Variants in OGG1 observed in about 807,000 individuals in gnomAD.
OGG1 encodes the protein N-glycosylase/DNA lyase.
A neutral mutation model predicts 42.3 loss-of-function variants in OGG1; 35 were observed. The observed-to-expected ratio is 0.83, with a 90% CI of 0.63 to 1.10. The LOEUF is 1.10. Ranked by LOEUF, OGG1 falls within the 50% of genes least tolerant of loss-of-function variation. The pLI is 0.00. For missense variants in OGG1, 484 were observed against 446.7 expected (o/e 1.08, Z -0.75); for synonymous variants, 189 against 179.0 (o/e 1.06, Z -0.44).
At chr3:9,775,143 G>A (rs1394588976) in intron 2 of OGG1, among the ~76,000 whole-genome samples, 1 of 151,926 alleles carries the variant, frequency 6.6e-6, no homozygotes, top group African/African-American at 2.4e-5. Flanking sequence ...GGGAGGTTGA[G>A]GCAGGAGAAT....
At chr3:9,767,636 CATCCAGCACCCA>C, downstream of OGG1, 1 of 1,613,770 alleles carries the variant, frequency 6.2e-7, no homozygotes, top group Non-Finnish European at 8.5e-7. Context: ...CTCCCTCAGC[CATCCAGCACCCA>C]ATCCTGCCCT....
downstream of OGG1, chr3:9,760,619 G>A (rs772693575): frequency 2.5e-6 from 4 of 1,610,326 alleles, no homozygotes; most frequent in Non-Finnish European, 3.4e-6. Context: ...AGGAACCAGA[G>A]GCAGGGCCCA....
chr3:9,753,626 C>T (rs2077408407), intron 3 of OGG1, among the ~76,000 whole-genome samples: 1 of 151,724 alleles, frequency 6.6e-6, no homozygotes, highest in African/African-American at 2.4e-5. Flanking sequence ...TGCACTCCAG[C>T]CTGGGCGACA....
chr3:9,778,526 C>T (rs1389496111), intron 2 of OGG1, among the ~76,000 whole-genome samples: 1 of 152,194 alleles, frequency 6.6e-6, no homozygotes, highest in Non-Finnish European at 1.5e-5. Context: ...TCAAGAATAG[C>T]TGGATGCAGC....
downstream of OGG1, among the ~76,000 whole-genome samples, chr3:9,768,004 G>GTCATGCAT (rs2078202503): frequency 6.6e-6 from 1 of 152,198 alleles, no homozygotes; most frequent in African/African-American, 2.4e-5. Context: ...ATTTAACAAA[G>GTCATGCAT]TCATGCATTC....
intron 3 of OGG1, chr3:9,787,660 C>G (rs2078647491): frequency 7.2e-7 from 1 of 1,381,296 alleles, no homozygotes; most frequent in African/African-American, 1.4e-5. Context: ...GCCTTCAGGT[C>G]ACGGGTGACA....
At chr3:9,773,986 G>A (rs1285934064) in intron 2 of OGG1, among the ~76,000 whole-genome samples, 1 of 152,180 alleles carries the variant, frequency 6.6e-6, no homozygotes, top group African/African-American at 2.4e-5. Context: ...GATTATAGGC[G>A]TGAGCCAGTA....
At chr3:9,773,522 G>A (rs919623423) in intron 2 of OGG1, among the ~76,000 whole-genome samples, 2 of 151,874 alleles carry the variant, frequency 1.3e-5, no homozygotes, top group African/African-American at 2.4e-5. Flanking sequence ...CAGCCTGGGC[G>A]ACAGAGCGAG....
At chr3:9,782,039 C>T (rs1227163610) in intron 3 of OGG1, among the ~76,000 whole-genome samples, 4 of 151,882 alleles carry the variant, frequency 2.6e-5, no homozygotes, top group African/African-American at 9.7e-5. Flanking sequence ...GGTCTGACTA[C>T]ATTGCCCAGG....
chr3:9,750,329 A>G lies in OGG1; in HGVS notation c.43A>G (p.Thr15Ala). The G allele has an allele frequency of 6.2e-7, 1 of 1,613,668 alleles. No individual in the cohort carries two copies. Among genetic ancestry groups the G allele is most frequent in the Non-Finnish European group, 8.5e-7 (1 of 1,179,960 alleles). ...TCTGCCCAGGCGCATGGGGCATCGT[A>G]CTCTAGCCTCCACTCCTGCCCTGTG... Reference protein sequence around the residue: ...ALLPRRMGHRTLASTPALWAS... With the variant: ...ALLPRRMGHRALASTPALWAS... The change falls in exon 1 of 7, where the codon ACT becomes GCT. Residue 15 changes from threonine (T) to alanine (A), a missense_variant. Transcript: ENST00000344629.
chr3:9,785,277 G>A (rs200605874), intron 3 of OGG1: 37 of 1,516,396 alleles, frequency 2.4e-5, no homozygotes, highest in African/African-American at 6.8e-5. Context: ...CAACAGAAGC[G>A]GGGGCCAGAC....
At chr3:9,757,744 T>A, downstream of OGG1, 7 of 1,614,182 alleles carry the variant, frequency 4.3e-6, no homozygotes, top group Non-Finnish European at 5.9e-6. This position sits in a 1 kb window ranked among gnomAD's most constrained non-coding sequence, Gnocchi z 4.5. Context: ...GCCACTGGTG[T>A]CAGCAGCTCC....
chr3:9,765,282 G>A (rs2078101839), intron 7 of OGG1, among the ~76,000 whole-genome samples: 1 of 152,042 alleles, frequency 6.6e-6, no homozygotes, highest in African/African-American at 2.4e-5. Flanking sequence ...GGGAGAGATT[G>A]GAAGTGATTC....
chr3:9,776,444 C>A (rs2078366205), intron 2 of OGG1, among the ~76,000 whole-genome samples: 1 of 139,328 alleles, frequency 7.2e-6, no homozygotes, highest in African/African-American at 2.7e-5. Context: ...GGCTGGAGTG[C>A]AGTGGCGCGA....
At position 9,763,142 on chromosome 3, in the gene OGG1, T is replaced by C. The variant is rs769524135; in HGVS notation, c.1049-2667T>C. On this transcript the variant is annotated intron_variant, in intron 7 of 7. Coordinates refer to the OGG1 transcript ENST00000302008. ...GGGCAGAGGTTGGGCCACTCACAGC[T>C]GCATGATGAGGTAGAGGTGGCCCCC... 5.6e-6 allele frequency: 9 copies of C among 1,614,098 alleles called. No homozygotes were observed. In the South Asian group the frequency reaches 8.8e-5, roughly 16 times the overall value.
intron 2 of OGG1, among the ~76,000 whole-genome samples, chr3:9,778,329 G>A (rs1369683562): frequency 2.6e-5 from 4 of 152,242 alleles, no homozygotes; most frequent in East Asian, 1.9e-4. Context: ...CCAGCACCTA[G>A]TGGGAGGCAG....
chr3:9,754,899 G>A lies in OGG1; in HGVS notation c.747+14G>A, dbSNP rs754036132. 5.1e-6 allele frequency: 8 copies of A among 1,572,928 alleles called. No individual in the cohort carries two copies. The highest frequency in any genetic ancestry group is 6.9e-6 in the Non-Finnish European group (8 of 1,157,904). On this transcript the variant is annotated intron_variant, in intron 4 of 6. Transcript: ENST00000344629. ...GTGGGCACCAAGGTGAGGCCCCAGG[G>A]GGTAGGAGCTGCCCTCTCTACTGAC...
intron 3 of OGG1, among the ~76,000 whole-genome samples, chr3:9,786,813 G>A (rs920359006): frequency 2.0e-5 from 3 of 152,132 alleles, no homozygotes; most frequent in African/African-American, 7.2e-5. Context: ...TATGATCTGT[G>A]CACTTTTCTA....
At chr3:9,781,818 C>T (rs1377220246) in intron 3 of OGG1, among the ~76,000 whole-genome samples, 1 of 145,520 alleles carries the variant, frequency 6.9e-6, no homozygotes, top group African/African-American at 2.5e-5. Context: ...GCCATTTCTT[C>T]ATTGCCCATT....
Sources: allele counts gnomAD v4.1 joint callset (sites outside exome capture counted in the v4.1 genomes callset), GRCh38; gene constraint gnomAD v4.1.1; non-coding constraint Gnocchi (gnomAD v3.1); transcripts MANE v1.5; gene names NCBI Gene and HGNC (gene_info 2026-07-23, HGNC 2026-07-21).